GPBP1: variants seen among roughly 807,000 people sequenced by gnomAD.
GPBP1 encodes the protein GC-rich promoter binding protein 1, also known as vasculin.
Under a neutral mutation model 56.5 loss-of-function variants are expected in GPBP1, and 13 were observed. The observed-to-expected ratio is 0.23, with a 90% confidence interval of 0.15 to 0.37. The LOEUF (loss-of-function observed/expected upper bound fraction) is 0.37. Among genes scored for constraint, GPBP1 ranks in the 10% least tolerant of loss-of-function variants. GPBP1 has a pLI of 1.00. For synonymous variants in GPBP1, 204 were observed against 188.9 expected (o/e 1.08, Z -0.66); for missense variants, 477 against 572.3 (o/e 0.83, Z 1.70).
intron 1 of GPBP1, among the ~76,000 whole-genome samples, chr5:57,174,923 A>G (rs1473633833): frequency 6.6e-6 from 1 of 152,118 alleles, no homozygotes; most frequent in Non-Finnish European, 1.5e-5. Context: ...GGTTTGCCCT[A>G]CTTCTAGTTC....
intron 3 of GPBP1, among the ~76,000 whole-genome samples, chr5:57,214,762 T>G (rs535137933): frequency 6.6e-6 from 1 of 152,262 alleles, no homozygotes; most frequent in East Asian, 1.9e-4. Context: ...TTCAAGCGAT[T>G]CTTCTGCCTC....
intron 2 of GPBP1, among the ~76,000 whole-genome samples, chr5:57,209,665 CTTG>C (rs1240305761): frequency 6.6e-6 from 1 of 151,856 alleles, no homozygotes. Flanking sequence ...AAGTTTCCTT[CTTG>C]TTTCTAGTTT....
At chr5:57,189,477 C>G (rs1387978987) in intron 2 of GPBP1, among the ~76,000 whole-genome samples, 1 of 152,136 alleles carries the variant, frequency 6.6e-6, no homozygotes, top group Non-Finnish European at 1.5e-5. Flanking sequence ...AGGCAGGTCT[C>G]GAACTCCTGG....
chr5:57,207,561 A>G (rs1755283984), intron 2 of GPBP1, among the ~76,000 whole-genome samples: 2 of 152,212 alleles, frequency 1.3e-5, no homozygotes, highest in South Asian at 2.1e-4. Context: ...TAGTCTAGCC[A>G]TCCATAGGCG....
chr5:57,215,164 T>C (rs1171362554), intron 3 of GPBP1, among the ~76,000 whole-genome samples: 2 of 152,264 alleles, frequency 1.3e-5, no homozygotes, highest in East Asian at 3.8e-4. Flanking sequence ...CCACCATACA[T>C]GATGTACTTC....
chr5:57,245,700 C>T (rs1192781225), intron 6 of GPBP1: 1 of 152,066 alleles, frequency 6.6e-6, no homozygotes, highest in Non-Finnish European at 1.5e-5. Context: ...TATTTATCTT[C>T]AGAAATCAGG....
intron 3 of GPBP1, among the ~76,000 whole-genome samples, chr5:57,227,816 A>G (rs1756263853): frequency 1.3e-5 from 2 of 152,198 alleles, no homozygotes; most frequent in Non-Finnish European, 2.9e-5. Flanking sequence ...GTTAGCTTGC[A>G]CAGATGGTAA....
chr5:57,229,545 T>C (rs1203287948), intron 3 of GPBP1, among the ~76,000 whole-genome samples: 2 of 152,128 alleles, frequency 1.3e-5, no homozygotes, highest in Non-Finnish European at 2.9e-5. Context: ...TTTTCTTTTT[T>C]TGATGGAGTC....
At chr5:57,247,872 T>C (rs1741168947) in intron 8 of GPBP1, among the ~76,000 whole-genome samples, 1 of 152,066 alleles carries the variant, frequency 6.6e-6, no homozygotes, top group Non-Finnish European at 1.5e-5. Flanking sequence ...GTCTCCTGAT[T>C]GTCTAGGACT....
At chr5:57,224,977 A>G (rs1580037884) in intron 3 of GPBP1, among the ~76,000 whole-genome samples, 2 of 151,946 alleles carry the variant, frequency 1.3e-5, no homozygotes, top group East Asian at 3.9e-4. Context: ...GGATCACTGC[A>G]AATTACATAA....
At chr5:57,252,647 C>T (rs549255524) in intron 10 of GPBP1, among the ~76,000 whole-genome samples, 1 of 152,272 alleles carries the variant, frequency 6.6e-6, no homozygotes, top group African/African-American at 2.4e-5. Flanking sequence ...CCCGTCTCGC[C>T]CTCCCAAAGT....
intron 3 of GPBP1, among the ~76,000 whole-genome samples, chr5:57,220,320 C>G (rs1755900649): frequency 1.3e-5 from 2 of 151,904 alleles, no homozygotes; most frequent in African/African-American, 4.8e-5. Flanking sequence ...ATTCTCAATG[C>G]TTTTTGGACC....
intron 3 of GPBP1, among the ~76,000 whole-genome samples, chr5:57,230,175 G>T (rs973737599): frequency 6.6e-6 from 1 of 151,938 alleles, no homozygotes; most frequent in Non-Finnish European, 1.5e-5. Context: ...CAGGTGATCC[G>T]CTTGCCTCGG....
chr5:57,231,101 A>T lies in GPBP1; in HGVS notation c.191A>T (p.Asn64Ile). Residue 64 changes from asparagine (N) to isoleucine (I), a missense_variant, in exon 5 of 12, where the codon AAC (asparagine) becomes ATC (isoleucine). Coordinates refer to ENST00000506184, the MANE Select transcript of GPBP1 (RefSeq NM_022913.4). ...ACTTTGCTATTATCAAATAAAGGTA[A>T]CTTTGGAAGGAAAGAAAAAAATGGA... ...DSAIGRPNGG[N>I]FGRKEKNGWR... The T allele has an allele frequency of 6.2e-7, 1 of 1,611,400 alleles. No homozygotes were observed. Among genetic ancestry groups the T allele is most frequent in the Non-Finnish European group, 8.5e-7 (1 of 1,178,890 alleles).
intron 10 of GPBP1, among the ~76,000 whole-genome samples, chr5:57,256,494 A>C (rs1580085821): frequency 6.7e-6 from 1 of 150,162 alleles, no homozygotes; most frequent in East Asian, 2.0e-4. Context: ...GTTTTAACCA[A>C]GTTTTTTTCC....
intron 2 of GPBP1, among the ~76,000 whole-genome samples, chr5:57,200,869 G>A (rs1306762687): frequency 6.6e-6 from 1 of 151,882 alleles, no homozygotes; most frequent in Non-Finnish European, 1.5e-5. Flanking sequence ...TAGTAGAGAT[G>A]GGGTATCACC....
At chr5:57,253,571 A>G (rs1272720703) in intron 10 of GPBP1, among the ~76,000 whole-genome samples, 2 of 152,232 alleles carry the variant, frequency 1.3e-5, no homozygotes, top group African/African-American at 4.8e-5. Context: ...CACTATATCT[A>G]GCACCTAGAA....
intron 6 of GPBP1, among the ~76,000 whole-genome samples, chr5:57,242,702 T>C (rs1031774756): frequency 2.0e-5 from 3 of 152,108 alleles, no homozygotes; most frequent in Non-Finnish European, 4.4e-5. Flanking sequence ...CACCTTGGCC[T>C]CCGAAAGTGC....
intron 2 of GPBP1, among the ~76,000 whole-genome samples, chr5:57,199,176 A>G (rs1754891124): frequency 6.6e-6 from 1 of 152,260 alleles, no homozygotes; most frequent in Non-Finnish European, 1.5e-5. Flanking sequence ...TAACATACAA[A>G]ATAGTTGTAC....
Sources: gnomAD v4.1 joint callset for allele counts (sites outside exome capture counted in the v4.1 genomes callset) on GRCh38, gnomAD v4.1.1 for gene constraint, MANE v1.5 for transcripts, NCBI Gene and HGNC (gene_info 2026-07-23, HGNC 2026-07-21) for gene names.